HDAC9: variants seen among roughly 807,000 people sequenced by gnomAD.
HDAC9 encodes the protein MEF-2 interacting transcription repressor (MITR) protein.
HDAC9 carries 41 observed loss-of-function variants against 139.4 expected under a neutral mutation model. The ratio of observed to expected loss-of-function variants is 0.29; its 90% confidence interval spans 0.23 to 0.38. The LOEUF (loss-of-function observed/expected upper bound fraction) is 0.38. HDAC9 is among the 10% of genes least tolerant of loss of function. The pLI, the probability that HDAC9 is intolerant of heterozygous loss-of-function variation, is 1.00. For synonymous variants in HDAC9, 517 were observed against 476.2 expected (o/e 1.09, Z -1.12); for missense variants, 1,147 against 1,297.0 (o/e 0.88, Z 1.78).
intron 1 of HDAC9, among the ~76,000 whole-genome samples, chr7:18,369,226 T>G (rs1237660580): frequency 2.0e-5 from 3 of 152,134 alleles, no homozygotes; most frequent in African/African-American, 7.2e-5. Flanking sequence ...TATTTGAGTC[T>G]GTTTTGTCTC....
intron 1 of HDAC9, among the ~76,000 whole-genome samples, chr7:18,158,000 G>T (rs557517521): frequency 3.3e-5 from 5 of 152,320 alleles, no homozygotes; most frequent in African/African-American, 1.2e-4. Flanking sequence ...AATTTGAGAA[G>T]AGAAGGACCT....
chr7:18,395,751 C>G (rs1786969906), intron 1 of HDAC9, among the ~76,000 whole-genome samples: 1 of 152,094 alleles, frequency 6.6e-6, no homozygotes, highest in Admixed American at 6.5e-5. Context: ...CACTCAACCA[C>G]TGTTCTCCCA....
At chr7:18,984,081 C>G (rs775096716) in intron 25 of HDAC9, among the ~76,000 whole-genome samples, 2 of 152,116 alleles carry the variant, frequency 1.3e-5, no homozygotes, top group African/African-American at 4.8e-5. Flanking sequence ...CTGCATTACT[C>G]CACAGGACAT....
At chr7:18,600,206 T>A (rs1089359) in intron 6 of HDAC9, among the ~76,000 whole-genome samples, 133,717 of 151,960 alleles carry the variant, frequency 0.88, 58,901 homozygotes, top group South Asian at 0.96. Context: ...CAAATTCTTT[T>A]TTTGCTGTTT....
intron 2 of HDAC9, among the ~76,000 whole-genome samples, chr7:18,205,990 A>C (rs1449593053): frequency 6.6e-6 from 1 of 152,182 alleles, no homozygotes; most frequent in Non-Finnish European, 1.5e-5. Context: ...CACAGATACA[A>C]TGTAGAAATT....
At chr7:18,723,467 G>T (rs1182537156) in intron 12 of HDAC9, among the ~76,000 whole-genome samples, 1 of 152,116 alleles carries the variant, frequency 6.6e-6, no homozygotes, top group Non-Finnish European at 1.5e-5. Context: ...GTTGCCTTTT[G>T]GTTGAGCAAT....
At chr7:18,136,286 G>A (rs1248551435) in intron 1 of HDAC9, among the ~76,000 whole-genome samples, 1 of 151,784 alleles carries the variant, frequency 6.6e-6, no homozygotes, top group African/African-American at 2.4e-5. Context: ...TTCTTCTGCT[G>A]TGCAGAAGCT....
intron 22 of HDAC9, chr7:18,899,505 A>G (rs1307230118): frequency 6.6e-6 from 1 of 152,048 alleles, no homozygotes; most frequent in African/African-American, 2.4e-5. Context: ...ACTATGTAAC[A>G]ATTAAATAGA....
intron 1 of HDAC9, among the ~76,000 whole-genome samples, chr7:18,330,097 G>A (rs942253507): frequency 1.1e-4 from 16 of 151,364 alleles, no homozygotes; most frequent in Non-Finnish European, 2.4e-4. Context: ...ATATTATTTT[G>A]CAGATGTTCT....
At chr7:18,095,761 GA>G (rs1334061794) in intron 1 of HDAC9, among the ~76,000 whole-genome samples, 1 of 152,152 alleles carries the variant, frequency 6.6e-6, no homozygotes, top group African/African-American at 2.4e-5. Flanking sequence ...ATAAACAACA[GA>G]ATTGATGAAA....
At chr7:18,140,346 T>C (rs1011187722) in intron 1 of HDAC9, among the ~76,000 whole-genome samples, 22 of 152,152 alleles carry the variant, frequency 1.4e-4, no homozygotes, top group African/African-American at 5.3e-4. Flanking sequence ...GTTGTATTTT[T>C]TAAAGATGGA....
intron 2 of HDAC9, among the ~76,000 whole-genome samples, chr7:18,209,841 C>T (rs1250526166): frequency 2.6e-5 from 4 of 151,952 alleles, no homozygotes; most frequent in East Asian, 1.9e-4. Flanking sequence ...GCTGGGACTA[C>T]GGGCGCCCGC....
In HDAC9 at chr7:18,533,728, A is replaced by G. The variant is rs145567015; in HGVS notation, c.22+37404A>G. On this transcript the variant is annotated intron_variant, in intron 2 of 25. Transcript: ENST00000686413. ...CAGTATTTAGATACTCACTCGAATT[A>G]TTTTCCTTTCTTTAATATAACTTCT... 3.7e-4 allele frequency among the ~76,000 whole-genome samples: 56 copies of G among 151,402 alleles called. No individual in the cohort carries two copies. The East Asian group carries it at 9.6e-3, about 26-fold the overall frequency.
intron 12 of HDAC9, chr7:18,668,889 C>T (rs1795479266): frequency 6.1e-6 from 6 of 982,682 alleles, no homozygotes; most frequent in South Asian, 4.7e-5. Context: ...CGTATTTAAT[C>T]GAAGTTGAAG....
At chr7:18,146,165 C>T (rs1471125684) in intron 1 of HDAC9, among the ~76,000 whole-genome samples, 1 of 152,126 alleles carries the variant, frequency 6.6e-6, no homozygotes, top group African/African-American at 2.4e-5. Context: ...ATAAATACGG[C>T]ATCAATTAAA....
At chr7:18,337,452 A>C (rs943680377) in intron 1 of HDAC9, among the ~76,000 whole-genome samples, 8 of 151,760 alleles carry the variant, frequency 5.3e-5, no homozygotes, top group African/African-American at 1.9e-4. Flanking sequence ...TAACACTTTG[A>C]AAACATCCCT....
At chr7:18,243,738 C>T (rs1284346005) in intron 2 of HDAC9, among the ~76,000 whole-genome samples, 4 of 152,194 alleles carry the variant, frequency 2.6e-5, no homozygotes, top group Non-Finnish European at 2.9e-5. Context: ...CTGTGTAACA[C>T]AGTGGTATCA....
chr7:18,089,837 C>T (rs529288485), intron 1 of HDAC9, among the ~76,000 whole-genome samples: 2 of 152,006 alleles, frequency 1.3e-5, no homozygotes, highest in Admixed American at 6.6e-5. Flanking sequence ...GCATCTGTAC[C>T]TTCTCATTAG....
intron 1 of HDAC9, among the ~76,000 whole-genome samples, chr7:18,432,802 T>A (rs1048531352): frequency 6.6e-6 from 1 of 151,858 alleles, no homozygotes; most frequent in Non-Finnish European, 1.5e-5. Context: ...ATACAAAAAA[T>A]TAGCTGGGCA....
Sources: allele counts gnomAD v4.1 joint callset (sites outside exome capture counted in the v4.1 genomes callset), GRCh38; gene constraint gnomAD v4.1.1; transcripts MANE v1.5; gene names NCBI Gene and HGNC (gene_info 2026-07-23, HGNC 2026-07-21).